The following ATRNL1 variants were observed in gnomAD, a reference collection of about 807,000 sequenced individuals.
ATRNL1 encodes attractin-like protein 1.
Under a neutral mutation model 182.7 loss-of-function variants are expected in ATRNL1, and 95 were observed. That is an observed-to-expected ratio of 0.52 (90% CI 0.44 to 0.62). The LOEUF is 0.62. Among genes scored for constraint, ATRNL1 ranks in the 20% least tolerant of loss-of-function variants. The pLI is 0.00. For synonymous variants in ATRNL1, 576 were observed against 568.3 expected (o/e 1.01, Z -0.19); for missense variants, 1,471 against 1,679.5 (o/e 0.88, Z 2.17).
At position 115,485,562 on chromosome 10, in the gene ATRNL1, A is replaced by G. The variant is rs556170275; in HGVS notation, c.3654+16233A>G. On this transcript the variant is annotated intron_variant, in intron 24 of 28. Transcript: ENST00000355044. ...TCATTAACCTTAGTGACCATTCTAT[A>G]CAATAAATCTGTTAAGTGTATTCTT... Among the ~76,000 whole-genome samples, 587 of 152,232 alleles carry G rather than the reference A, an allele frequency of 3.9e-3. 4 individuals are homozygous for G. Among genetic ancestry groups the G allele is most frequent in the African/African-American group, 0.014 (566 of 41,544 alleles).
At chr10:115,111,225 A>G (rs551264999) in intron 1 of ATRNL1, among the ~76,000 whole-genome samples, 1 of 152,326 alleles carries the variant, frequency 6.6e-6, no homozygotes, top group South Asian at 2.1e-4. Context: ...TTTGAGTTGT[A>G]TAGTTATCTC....
intron 28 of ATRNL1, among the ~76,000 whole-genome samples, chr10:115,912,696 A>C (rs1952719923): frequency 6.6e-6 from 1 of 152,224 alleles, no homozygotes; most frequent in Non-Finnish European, 1.5e-5. Flanking sequence ...TAAAAAAAAA[A>C]AATTCCATGA....
chr10:115,295,239 G>A (rs1480910043), intron 15 of ATRNL1, among the ~76,000 whole-genome samples: 1 of 152,154 alleles, frequency 6.6e-6, no homozygotes, highest in African/African-American at 2.4e-5. Context: ...TGCTTGCCAG[G>A]AACAACCCAC....
intron 27 of ATRNL1, among the ~76,000 whole-genome samples, chr10:115,797,495 G>C (rs1311550810): frequency 6.6e-6 from 1 of 152,054 alleles, no homozygotes; most frequent in Non-Finnish European, 1.5e-5. Context: ...CCAACTGCAA[G>C]GCTTCTTCTG....
chr10:115,212,097 G>T (rs1554895141), intron 8 of ATRNL1, among the ~76,000 whole-genome samples: 7 of 151,754 alleles, frequency 4.6e-5, no homozygotes. Context: ...ATTGCATGAT[G>T]CTGAGGTTTG....
chr10:115,442,272 T>TCG (rs1554965885), intron 21 of ATRNL1, among the ~76,000 whole-genome samples: 2 of 102,432 alleles, frequency 2.0e-5, no homozygotes, highest in African/African-American at 6.1e-5. Flanking sequence ...TTGTGTTTGC[T>TCG]CTCTCTCTCT....
At chr10:115,598,120 A>AATGGGGAAGCAG (rs1324691032) in intron 26 of ATRNL1, 1 of 152,498 alleles carries the variant, frequency 6.6e-6, no homozygotes, top group Non-Finnish European at 1.5e-5. Context: ...GGAAGGAAGA[A>AATGGGGAAGCAG]ATGGGGAAGC....
At chr10:115,582,878 G>C (rs1855223862) in intron 26 of ATRNL1, among the ~76,000 whole-genome samples, 1 of 151,238 alleles carries the variant, frequency 6.6e-6, no homozygotes, top group South Asian at 2.1e-4. Flanking sequence ...TATGGTTTTA[G>C]GTCTAACGTT....
intron 8 of ATRNL1, among the ~76,000 whole-genome samples, chr10:115,198,903 C>T (rs1291291537): frequency 3.9e-5 from 6 of 152,078 alleles, no homozygotes; most frequent in African/African-American, 9.7e-5. Context: ...TTCATTACTA[C>T]AGTTTTGTAG....
At position 115,113,896 on chromosome 10, in the gene ATRNL1, T is replaced by C. The variant is rs140007900; in HGVS notation, c.294-6289T>C. 9.2e-5 allele frequency among the ~76,000 whole-genome samples: 14 copies of C among 152,356 alleles called. No homozygotes were observed. The East Asian group carries it at 2.7e-3, about 29-fold the overall frequency. On this transcript the variant is annotated intron_variant, in intron 1 of 28. Transcript: ENST00000355044. ...GACCTTCAGCTCTTTAGGGATGTAC[T>C]AAATGACTGGTATCATTGCTTACAA... is the stretch of plus-strand genomic sequence containing the variant.
At chr10:115,579,001 G>A (rs549916104) in intron 26 of ATRNL1, among the ~76,000 whole-genome samples, 73 of 151,358 alleles carry the variant, frequency 4.8e-4, no homozygotes, top group African/African-American at 1.7e-3. Context: ...TCACATATTT[G>A]TGAACTTTCC....
chr10:115,141,138 T>C (rs1845738455), intron 5 of ATRNL1, among the ~76,000 whole-genome samples: 1 of 152,154 alleles, frequency 6.6e-6, no homozygotes. Flanking sequence ...TGATCATCTT[T>C]GGGTTTCCAG....
intron 24 of ATRNL1, among the ~76,000 whole-genome samples, chr10:115,474,464 TG>T (rs1554972719): frequency 6.6e-6 from 1 of 151,340 alleles, no homozygotes; most frequent in Admixed American, 6.6e-5. Context: ...TTCAGCTTCA[TG>T]GATCTAGACA....
At chr10:115,317,694 C>T (rs903503389) in intron 18 of ATRNL1, among the ~76,000 whole-genome samples, 5 of 151,898 alleles carry the variant, frequency 3.3e-5, no homozygotes, top group African/African-American at 7.2e-5. Flanking sequence ...TGGCTCTCTC[C>T]TTGTGTATTG....
intron 20 of ATRNL1, among the ~76,000 whole-genome samples, chr10:115,414,019 CGG>C (rs1845269457): frequency 6.6e-6 from 1 of 152,008 alleles, no homozygotes; most frequent in Non-Finnish European, 1.5e-5. Flanking sequence ...ACTTCCAATT[CGG>C]ATCTATTTCT....
At chr10:115,602,025 G>T (rs112109494) in intron 26 of ATRNL1, among the ~76,000 whole-genome samples, 23 of 150,408 alleles carry the variant, frequency 1.5e-4, no homozygotes, top group African/African-American at 5.6e-4. Flanking sequence ...TTTGACAATG[G>T]CTCTAGAGTT....
At chr10:115,657,278 A>G (rs933778458) in intron 26 of ATRNL1, among the ~76,000 whole-genome samples, 1 of 152,216 alleles carries the variant, frequency 6.6e-6, no homozygotes, top group Admixed American at 6.5e-5. Context: ...GCTTGCATCT[A>G]TTCATAGAAT....
At position 115,630,600 on chromosome 10, in the gene ATRNL1, A is replaced by C. The variant is rs537783015; in HGVS notation, c.3795+81064A>C. Among the ~76,000 whole-genome samples the C allele has an allele frequency of 2.7e-3, 408 of 151,320 alleles. 9 individuals are homozygous for C. The highest frequency in any genetic ancestry group is 1.1e-3 in the Non-Finnish European group (76 of 67,792). On this transcript the variant is annotated intron_variant, in intron 26 of 28. Coordinates refer to ENST00000355044, the MANE Select transcript of ATRNL1 (RefSeq NM_207303.4). Reference sequence around the variant, plus strand: ...TTCATAATAGTCAAAATATGCAAACAACCCATTTGTCCATTGATAGATGGA... The same window carrying C: ...TTCATAATAGTCAAAATATGCAAACCACCCATTTGTCCATTGATAGATGGA...
intron 27 of ATRNL1, among the ~76,000 whole-genome samples, chr10:115,768,435 C>T (rs990777493): frequency 6.6e-6 from 1 of 152,066 alleles, no homozygotes; most frequent in East Asian, 1.9e-4. Flanking sequence ...TATCAAGGCC[C>T]TATCAAATCA....
Sources: allele counts gnomAD v4.1 joint callset (sites outside exome capture counted in the v4.1 genomes callset), GRCh38; gene constraint gnomAD v4.1.1; transcripts MANE v1.5; gene names NCBI Gene and HGNC (gene_info 2026-07-23, HGNC 2026-07-21).